The following ABR variants were observed in gnomAD, a reference collection of about 807,000 sequenced individuals.
ABR encodes active breakpoint cluster region-related protein.
ABR carries 35 observed loss-of-function variants against 107.2 expected under a neutral mutation model. That is an observed-to-expected ratio of 0.33 (90% confidence interval 0.25 to 0.43). The LOEUF (loss-of-function observed/expected upper bound fraction) is 0.43, where lower values mean the gene tolerates loss of function less well. Among genes scored for constraint, ABR ranks in the 20% least tolerant of loss-of-function variants. The pLI, the probability that ABR is intolerant of heterozygous loss-of-function variation, is 1.00. For synonymous variants in ABR, 498 were observed against 462.0 expected, an observed-to-expected ratio of 1.08 and a Z score of -1.00; for missense variants, 815 against 1,115.2, an observed-to-expected ratio of 0.73 and a Z score of 3.83.
rs1171948549 is a variant in ABR, at chr17:1,070,041, G to A, written c.944C>T (p.Ser315Phe). The change falls in exon 9 of 23, where the codon TCC (serine) becomes TTC (phenylalanine). Residue 315 changes from serine (S) to phenylalanine (F), a missense_variant. Around this residue, in one of 5 missense-constraint regions of ABR, gnomAD observed 385 missense variants for 596.9 expected, o/e 0.64. Coordinates refer to ENST00000302538, the MANE Select transcript of ABR (RefSeq NM_021962.5). This position sits in a 1 kb window ranked among gnomAD's most constrained non-coding sequence, Gnocchi z 4.2. ...GAGGAAGACGTGCCGCAGCTTCCGG[G>A]AGCTCTCTGACACTTCCACCAGGAA... ...DGFLVEVSES[S>F]RKLRHVFLFT... The A allele has an allele frequency of 6.2e-7, 1 of 1,613,572 alleles. No individual in the cohort carries two copies. The highest frequency in any genetic ancestry group is 8.5e-7 in the Non-Finnish European group (1 of 1,179,964).
chr17:1,216,037 C>CG (rs981389883), intron 1 of ABR, among the ~76,000 whole-genome samples: 7 of 149,588 alleles, frequency 4.7e-5, no homozygotes, highest in African/African-American at 1.7e-4. Flanking sequence ...ACAAACACTG[C>CG]GGAAGGCCGC....
chr17:1,038,046 G>A (rs983711735), intron 16 of ABR, among the ~76,000 whole-genome samples: 1 of 152,178 alleles, frequency 6.6e-6, no homozygotes, highest in African/African-American at 2.4e-5. Context: ...GATAAAAGCA[G>A]AAGCAGAGAG....
chr17:1,063,883 A>G (rs1215779465), intron 10 of ABR, among the ~76,000 whole-genome samples: 1 of 147,800 alleles, frequency 6.8e-6, no homozygotes, highest in Admixed American at 6.8e-5. Flanking sequence ...AGGGCTATGC[A>G]TGTTCCTCCA....
chr17:1,041,004 C>T (rs1032420615), intron 16 of ABR, among the ~76,000 whole-genome samples: 8 of 152,188 alleles, frequency 5.3e-5, no homozygotes, highest in African/African-American at 1.9e-4. Flanking sequence ...ACCTCCACCT[C>T]CTGGGTCCTG....
At chr17:1,221,897 G>C (rs1289308768) in intron 1 of ABR, among the ~76,000 whole-genome samples, 3 of 152,174 alleles carry the variant, frequency 2.0e-5, no homozygotes, top group Non-Finnish European at 4.4e-5. Context: ...AGGGACAGCG[G>C]TAAGTAAAAA....
intron 1 of ABR, among the ~76,000 whole-genome samples, chr17:1,201,199 C>T (rs372029416): frequency 2.9e-4 from 44 of 152,286 alleles, no homozygotes; most frequent in Middle Eastern, 6.8e-3. Flanking sequence ...CCGGTGTCCA[C>T]GAGGCTGCTG....
intron 1 of ABR, among the ~76,000 whole-genome samples, chr17:1,139,452 C>A (rs1314847688): frequency 2.0e-5 from 3 of 152,064 alleles, no homozygotes; most frequent in Non-Finnish European, 4.4e-5. Context: ...CAGGGTTTCA[C>A]CGTGTTAGCC....
At chr17:1,099,826 T>A (rs1383484561) in intron 3 of ABR, among the ~76,000 whole-genome samples, 1 of 152,164 alleles carries the variant, frequency 6.6e-6, no homozygotes, top group Non-Finnish European at 1.5e-5. Context: ...GCTGTGCCGC[T>A]TCTCAAAAGA....
At chr17:1,223,804 G>A (rs2043165069) in intron 1 of ABR, among the ~76,000 whole-genome samples, 1 of 152,074 alleles carries the variant, frequency 6.6e-6, no homozygotes, top group African/African-American at 2.4e-5. Flanking sequence ...ACTTCCAAAC[G>A]CTTTAAAACC....
In ABR at chr17:1,069,059, C is replaced by A. The variant is rs75337586; in HGVS notation, c.1016+910G>T. Among the ~76,000 whole-genome samples, 405 of 152,180 alleles carry A rather than the reference C, an allele frequency of 2.7e-3. 4 individuals carry two copies. The highest frequency in any genetic ancestry group is 9.4e-3 in the African/African-American group (392 of 41,520). The stretch of plus-strand genomic sequence containing the variant: ...GCTTAAGTAGACGATGGCACATCTA[C>A]GGGTAACATCGTGCAGGAAAGTAAA... On this transcript the variant is annotated intron_variant, in intron 9 of 22. Transcript: ENST00000302538.
chr17:1,062,250 G>A (rs2034060352), intron 10 of ABR, among the ~76,000 whole-genome samples: 1 of 151,710 alleles, frequency 6.6e-6, no homozygotes, highest in African/African-American at 2.4e-5. Context: ...TATGTGAACT[G>A]AGGGCTATGC....
intron 16 of ABR, among the ~76,000 whole-genome samples, chr17:1,014,330 A>C (rs1458622285): frequency 7.9e-6 from 1 of 126,342 alleles, no homozygotes. Flanking sequence ...AGTCCCAGCT[A>C]CTTGGGAGGC....
At chr17:1,101,789 A>C (rs1455248937) in intron 2 of ABR, among the ~76,000 whole-genome samples, 2 of 149,612 alleles carry the variant, frequency 1.3e-5, no homozygotes, top group African/African-American at 5.0e-5. Context: ...GCTAGAGTGC[A>C]GTGGCGCGAT....
Position 1,037,642 on chromosome 17 carries a change from CT to C in ABR, c.1791+12407del, listed in dbSNP as rs1306319444. Among the ~76,000 whole-genome samples the C allele has an allele frequency of 6.6e-6, 1 of 152,232 alleles. No individual in the cohort carries two copies. Among genetic ancestry groups the C allele is most frequent in the Admixed American group, 6.5e-5 (1 of 15,284 alleles). ...TGCTGTCCCTACCGCTGGAGCCCCC[CT>C]GGGCTGCTTGCCTGCTCCTCCTCCC... On this transcript the variant is annotated intron_variant, in intron 16 of 22. Coordinates refer to ENST00000302538, the MANE Select transcript of ABR (RefSeq NM_021962.5). The surrounding 1 kb of genome is among the most constrained non-coding windows in gnomAD (Gnocchi z 4.6).
rs150221695 is a variant in ABR at position 1,157,412 on chromosome 17, G to A, written c.61+22255C>T. On this transcript the variant is annotated intron_variant, in intron 1 of 22. Coordinates refer to ENST00000302538, the MANE Select transcript of ABR (RefSeq NM_021962.5). This position sits in a 1 kb window ranked among gnomAD's most constrained non-coding sequence, Gnocchi z 4.7. ...ATTACAGGTGTGCGCCACCACGCCC[G>A]GCTAATTTTTATATTTTTAATAGAG... 0.01 allele frequency among the ~76,000 whole-genome samples: 1,554 copies of A among 152,130 alleles called. 16 individuals are homozygous for A. Among genetic ancestry groups the A allele is most frequent in the African/African-American group, 0.035 (1,450 of 41,496 alleles).
chr17:1,101,104 G>T, intron 2 of ABR: 1 of 234,970 alleles, frequency 4.3e-6, no homozygotes, highest in South Asian at 6.8e-5. Flanking sequence ...GATTACAGGT[G>T]TGAGCCACCA....
chr17:1,134,938 GC>G (rs2039991634), intron 1 of ABR, among the ~76,000 whole-genome samples: 1 of 152,280 alleles, frequency 6.6e-6, no homozygotes. Context: ...AAGTGCACGG[GC>G]CGCTGCGGGG....
chr17:1,178,835 G>T (rs909643802), intron 1 of ABR, among the ~76,000 whole-genome samples: 1 of 150,894 alleles, frequency 6.6e-6, no homozygotes, highest in South Asian at 2.1e-4. Flanking sequence ...TTCTAGCAAC[G>T]GAGCAGGAGC....
upstream of ABR, among the ~76,000 whole-genome samples, chr17:1,191,478 C>T (rs1019260693): frequency 6.0e-5 from 9 of 151,136 alleles, no homozygotes; most frequent in Middle Eastern, 3.2e-3. Flanking sequence ...CTGTCTCAGC[C>T]TCCCGAGTAG....
Sources: gnomAD v4.1 joint callset for allele counts (sites outside exome capture counted in the v4.1 genomes callset) on GRCh38, gnomAD v4.1.1 for gene constraint, gnomAD v4.1.1 regional missense constraint, Gnocchi (gnomAD v3.1) non-coding constraint, MANE v1.5 for transcripts, NCBI Gene and HGNC (gene_info 2026-07-23, HGNC 2026-07-21) for gene names.